The following WWOX variants were observed in gnomAD, a reference collection of about 807,000 sequenced individuals.
WWOX encodes WW domain-containing oxidoreductase.
A neutral mutation model predicts 46.2 loss-of-function variants in WWOX; 69 were observed. That is an observed-to-expected ratio of 1.49 (90% CI 1.23 to 1.82). The LOEUF is 1.82. WWOX is among the 40% of genes most tolerant of loss of function. WWOX has a pLI of 0.00. For missense variants in WWOX, 919 were observed against 542.6 expected (o/e 1.69, Z -6.89); for synonymous variants, 359 against 202.6 (o/e 1.77, Z -6.56).
chr16:78,527,832 G>T (rs758808936), intron 8 of WWOX, among the ~76,000 whole-genome samples: 1 of 151,594 alleles, frequency 6.6e-6, no homozygotes, highest in African/African-American at 2.4e-5. Flanking sequence ...GGGAAAAGGT[G>T]CTACTGGCAT....
At chr16:78,968,609 G>T (rs1401440893) in intron 8 of WWOX, among the ~76,000 whole-genome samples, 4 of 152,216 alleles carry the variant, frequency 2.6e-5, no homozygotes, top group South Asian at 2.1e-4. Flanking sequence ...CAAGGACCCT[G>T]TTGAGAGGTT....
At chr16:78,484,308 C>T (rs1021139039) in intron 8 of WWOX, among the ~76,000 whole-genome samples, 2 of 152,130 alleles carry the variant, frequency 1.3e-5, no homozygotes, top group African/African-American at 4.8e-5. Context: ...AGATTATTTT[C>T]ATCTAAGACC....
At chr16:78,822,663 C>T (rs967854609) in intron 8 of WWOX, among the ~76,000 whole-genome samples, 4 of 152,132 alleles carry the variant, frequency 2.6e-5, no homozygotes, top group Admixed American at 6.5e-5. Context: ...TTGAATCTTT[C>T]CATGATGAGA....
chr16:78,680,764 G>A (rs1208109394), intron 8 of WWOX, among the ~76,000 whole-genome samples: 1 of 152,142 alleles, frequency 6.6e-6, no homozygotes, highest in Non-Finnish European at 1.5e-5. Context: ...CACAGTTTGG[G>A]TATGGAGCAC....
intron 4 of WWOX, among the ~76,000 whole-genome samples, chr16:78,121,420 G>T (rs2033086300): frequency 6.6e-6 from 1 of 152,128 alleles, no homozygotes; most frequent in South Asian, 2.1e-4. Context: ...AGTACCTTAT[G>T]ACTTAACCAT....
intron 8 of WWOX, among the ~76,000 whole-genome samples, chr16:78,577,965 T>G (rs1020463458): frequency 1.3e-5 from 2 of 152,046 alleles, no homozygotes. Context: ...CAAGACTCAC[T>G]AATATTTTCA....
At chr16:78,544,888 A>T (rs1045972959) in intron 8 of WWOX, among the ~76,000 whole-genome samples, 5 of 151,606 alleles carry the variant, frequency 3.3e-5, no homozygotes, top group Non-Finnish European at 7.4e-5. Context: ...AGAAAAAATG[A>T]GATTATGGCC....
At chr16:79,031,264 G>A (rs1043700535) in intron 8 of WWOX, among the ~76,000 whole-genome samples, 2 of 152,130 alleles carry the variant, frequency 1.3e-5, no homozygotes, top group Non-Finnish European at 2.9e-5. Flanking sequence ...CACGTGTGGG[G>A]TGCTGAGAGG....
At chr16:78,116,279 C>G (rs910172632) in intron 4 of WWOX, among the ~76,000 whole-genome samples, 6 of 152,186 alleles carry the variant, frequency 3.9e-5, no homozygotes, top group African/African-American at 1.4e-4. Context: ...CATTAACCAT[C>G]TGCACTTCTT....
At chr16:79,070,680 A>G (rs2048533660) in intron 8 of WWOX, among the ~76,000 whole-genome samples, 1 of 152,224 alleles carries the variant, frequency 6.6e-6, no homozygotes, top group Admixed American at 6.5e-5. Flanking sequence ...TCAACAATCC[A>G]GGAGCTGGCT....
intron 8 of WWOX, among the ~76,000 whole-genome samples, chr16:78,702,043 AT>A (rs1194448271): frequency 0.01 from 1,289 of 127,340 alleles, 14 homozygotes; most frequent in Non-Finnish European, 0.015. Flanking sequence ...ATATATATAT[AT>A]AAAATAATGC....
intron 5 of WWOX, among the ~76,000 whole-genome samples, chr16:78,253,100 T>A (rs984046982): frequency 6.6e-5 from 10 of 152,188 alleles, no homozygotes; most frequent in Admixed American, 5.2e-4. Context: ...AAAGTAAAGA[T>A]GAATTTGGCA....
At chr16:78,199,229 C>G (rs764986315) in intron 5 of WWOX, among the ~76,000 whole-genome samples, 1 of 152,134 alleles carries the variant, frequency 6.6e-6, no homozygotes, top group Non-Finnish European at 1.5e-5. Context: ...AGGAGAATCA[C>G]TTGAACCCAG....
intron 8 of WWOX, among the ~76,000 whole-genome samples, chr16:78,703,466 A>G (rs75941236): frequency 6.7e-6 from 1 of 149,752 alleles, no homozygotes; most frequent in Non-Finnish European, 1.5e-5. Context: ...TTTTTTTTTA[A>G]TTAGCTGGGG....
chr16:78,527,914 A>AGCAGT (rs1365188559), intron 8 of WWOX, among the ~76,000 whole-genome samples: 2 of 151,128 alleles, frequency 1.3e-5, no homozygotes, highest in Non-Finnish European at 2.9e-5. Flanking sequence ...ACAAAATATC[A>AGCAGT]GCAGTGCCCA....
intron 8 of WWOX, among the ~76,000 whole-genome samples, chr16:78,934,763 C>T (rs1597172079): frequency 6.6e-6 from 1 of 152,002 alleles, no homozygotes; most frequent in African/African-American, 2.4e-5. Context: ...AAAATGTGTT[C>T]CTGAGAGATT....
chr16:79,060,144 T>G (rs2048333140), intron 8 of WWOX, among the ~76,000 whole-genome samples: 2 of 152,206 alleles, frequency 1.3e-5, no homozygotes, highest in Non-Finnish European at 2.9e-5. Context: ...TCACCTATAC[T>G]TGGGCAGTGG....
intron 5 of WWOX, among the ~76,000 whole-genome samples, chr16:78,381,559 TA>T (rs2151929834): frequency 4.8e-5 from 1 of 20,730 alleles, no homozygotes; most frequent in Admixed American, 4.9e-4. Flanking sequence ...AAATGATGGG[TA>T]GGTAGAGTCT....
In WWOX at chr16:78,457,909, C is replaced by CAAAAAAAAAAAAAA. The variant is rs57956003; in HGVS notation, c.1056+25163_1056+25176dup. ...CCAGCCTGAGCGTGAGACTCTGACT[C>CAAAAAAAAAAAAAA]AAAAAAAAAAAAAAAAAAATTAGCT... On this transcript the variant is annotated intron_variant, in intron 8 of 8. Transcript: ENST00000566780. 1.1e-3 allele frequency among the ~76,000 whole-genome samples: 94 copies of CAAAAAAAAAAAAAA among 86,954 alleles called. 1 individual carries two copies. The highest frequency in any genetic ancestry group is 4.4e-3 in the African/African-American group (76 of 17,298). The allele number at this position is 86,954 out of a possible 152,430, so 57.0% of individuals were successfully genotyped here.
Sources: gnomAD v4.1 joint callset for allele counts (sites outside exome capture counted in the v4.1 genomes callset) on GRCh38, gnomAD v4.1.1 for gene constraint, MANE v1.5 for transcripts, NCBI Gene and HGNC (gene_info 2026-07-23, HGNC 2026-07-21) for gene names.